SCNN1G: variants seen among roughly 807,000 people sequenced by gnomAD.
SCNN1G encodes sodium channel epithelial 1 subunit gamma.
Under a neutral mutation model 64.6 loss-of-function variants are expected in SCNN1G, and 27 were observed. The ratio of observed to expected loss-of-function variants is 0.42; its 90% CI spans 0.31 to 0.58. The LOEUF is 0.58. SCNN1G is among the 20% of genes least tolerant of loss of function. The pLI is 0.18. For synonymous variants in SCNN1G, 330 were observed against 314.2 expected (o/e 1.05, Z -0.53); for missense variants, 743 against 823.4 (o/e 0.90, Z 1.19).
intron 3 of SCNN1G, 95 bp downstream of exon 3, chr16:23,189,766 A>G (rs960461289): frequency 8.3e-6 from 10 of 1,205,982 alleles, no homozygotes; most frequent in African/African-American, 7.4e-5. Flanking sequence ...CTGTGGTCCA[A>G]CTGGAAGAAA....
intron 6 of SCNN1G, among the ~76,000 whole-genome samples, chr16:23,205,644 G>A (rs897783661): frequency 6.6e-6 from 1 of 151,362 alleles, no homozygotes; most frequent in Non-Finnish European, 1.5e-5. Context: ...AGGTTGCAGT[G>A]AGCTGAGATC....
rs752793278 is a variant in SCNN1G, at chr16:23,212,673, C to T, written c.1295-5C>T. The T allele has an allele frequency of 6.8e-6, 11 of 1,612,864 alleles. No individual in the cohort carries two copies. In the African/African-American group the frequency reaches 1.5e-4, roughly 22 times the overall value. On this transcript the variant is annotated splice_polypyrimidine_tract_variant and splice_region_variant and intron_variant, in intron 8 of 12. Coordinates refer to ENST00000300061, the MANE Select transcript of SCNN1G (RefSeq NM_001039.4). The stretch of plus-strand genomic sequence containing the variant: ...GCTCATGCTGCCCTCTCCCTTGTCC[C>T]TCAGTGTATTGTTACTACCAACTGC...
At chr16:23,187,646 T>A (rs1194389067) in intron 2 of SCNN1G, among the ~76,000 whole-genome samples, 2 of 152,150 alleles carry the variant, frequency 1.3e-5, no homozygotes, top group Non-Finnish European at 2.9e-5. Flanking sequence ...CCCAGGTGAC[T>A]TCTGTAAGCA....
chr16:23,212,933 A>G (rs777495267), intron 10 of SCNN1G, 39 bp downstream of exon 10: 1 of 1,600,254 alleles, frequency 6.2e-7, no homozygotes, highest in Non-Finnish European at 8.6e-7. Flanking sequence ...TGAAGCCCCC[A>G]GCCTGGAGCC....
At chr16:23,189,761 G>T in intron 3 of SCNN1G, 90 bp downstream of exon 3, 1 of 1,273,120 alleles carries the variant, frequency 7.9e-7, no homozygotes, top group South Asian at 1.2e-5. Context: ...AGCCCCTGTG[G>T]TCCAACTGGA....
chr16:23,191,080 G>T (rs374646105), intron 3 of SCNN1G, among the ~76,000 whole-genome samples: 2 of 152,004 alleles, frequency 1.3e-5, no homozygotes, highest in East Asian at 3.9e-4. Context: ...CTCGACCTCA[G>T]GTGGTCCCCC....
intron 6 of SCNN1G, 65 bp downstream of exon 6, chr16:23,197,492 C>T: frequency 7.1e-7 from 1 of 1,406,492 alleles, no homozygotes; most frequent in Admixed American, 1.7e-5. Context: ...CAAGGATAAC[C>T]AATGGGGTGC....
chr16:23,188,410 G>C (rs888266963), intron 2 of SCNN1G, among the ~76,000 whole-genome samples: 1 of 152,160 alleles, frequency 6.6e-6, no homozygotes, highest in African/African-American at 2.4e-5. Context: ...AACTTAGGAG[G>C]CTGAAGTGGG....
chr16:23,198,922 G>A (rs1959841238), intron 6 of SCNN1G, among the ~76,000 whole-genome samples: 1 of 151,704 alleles, frequency 6.6e-6, no homozygotes, highest in Admixed American at 6.6e-5. Flanking sequence ...GGCATGCTGG[G>A]GCACACCTGT....
At chr16:23,208,532 AC>A (rs1960027541) in intron 6 of SCNN1G, among the ~76,000 whole-genome samples, 2 of 151,786 alleles carry the variant, frequency 1.3e-5, no homozygotes, top group Non-Finnish European at 2.9e-5. Context: ...TGGGTCCTTC[AC>A]CTGAGCGAGA....
Position 23,215,933 on chromosome 16 carries a change from GA to G in SCNN1G, c.*467del, listed in dbSNP as rs1490582620. The G allele has an allele frequency of 4.6e-6, 1 of 217,372 alleles. No homozygotes were observed. Among genetic ancestry groups the G allele is most frequent in the Non-Finnish European group, 9.2e-6 (1 of 108,116 alleles). 13.5% of individuals were successfully genotyped at this position (217,372 alleles called of 1,614,324 possible). On this transcript the variant is annotated 3_prime_UTR_variant, in exon 13 of 13. Coordinates refer to ENST00000300061, the MANE Select transcript of SCNN1G (RefSeq NM_001039.4). The stretch of plus-strand genomic sequence containing the variant: ...CTACTGCCAGATGCCAAAGATAGGA[GA>G]AAGTGCCAGCCCTGAAGCTGGAGCC...
In SCNN1G at chr16:23,194,154, A is replaced by C; in HGVS notation, c.810-17A>C. 1 of 1,583,274 alleles carries C rather than the reference A, an allele frequency of 6.3e-7. No individual in the cohort carries two copies. On this transcript the variant is annotated splice_polypyrimidine_tract_variant and intron_variant, in intron 4 of 12. Transcript: ENST00000300061. ...CATGGGGGAGATCCCTTTCTGACCC[A>C]TTTTCTTCCTCCATAGGAATTTCAC...
intron 5 of SCNN1G, among the ~76,000 whole-genome samples, 181 bp downstream of exon 5, chr16:23,194,455 A>G (rs1959763824): frequency 2.0e-5 from 3 of 152,130 alleles, no homozygotes; most frequent in Admixed American, 2.0e-4. Flanking sequence ...CCTTCCTTCC[A>G]AGTTAGTGTT....
chr16:23,212,114 A>G lies in SCNN1G; in HGVS notation c.1257A>G (p.Ala419=), dbSNP rs1960088605. The change falls in exon 8 of 13, where the codon GCA becomes GCG. Residue 419 remains alanine, a synonymous_variant. Coordinates refer to ENST00000300061, the MANE Select transcript of SCNN1G (RefSeq NM_001039.4). ...CAQYSQPLPP[A]ANYCNYQQHP... Reference sequence around the variant, plus strand: ...AGTACAGCCAGCCTCTACCTCCTGCAGCCAACTACTGCAACTACCAGCAGC... The same window carrying G: ...AGTACAGCCAGCCTCTACCTCCTGCGGCCAACTACTGCAACTACCAGCAGC... 6.8e-6 allele frequency: 11 copies of G among 1,613,854 alleles called. No individual in the cohort carries two copies. The highest frequency in any genetic ancestry group is 9.3e-6 in the Non-Finnish European group (11 of 1,179,758).
At position 23,195,625 on chromosome 16, in the gene SCNN1G, G is replaced by A. The variant is rs374513413; in HGVS notation, c.913+1351G>A. On this transcript the variant is annotated intron_variant, in intron 5 of 12. Coordinates refer to ENST00000300061, the MANE Select transcript of SCNN1G (RefSeq NM_001039.4). ...ATGGGGAAGAAGTAATCTGGAAACT[G>A]AAAGTGAAAAGTTGCAGAGTACTGG... is the stretch of plus-strand genomic sequence containing the variant. 3.9e-5 allele frequency among the ~76,000 whole-genome samples: 6 copies of A among 152,314 alleles called. 1 individual carries two copies. In the South Asian group the frequency reaches 1.2e-3, roughly 32 times the overall value.
At chr16:23,188,612 G>A (rs181938830) in intron 2 of SCNN1G, among the ~76,000 whole-genome samples, 14 of 152,206 alleles carry the variant, frequency 9.2e-5, no homozygotes, top group African/African-American at 2.4e-4. Context: ...AGCAAATCCC[G>A]TTTTACAAAG....
At chr16:23,186,094 C>T (rs1959601139) in intron 1 of SCNN1G, 134 bp from the exon 2 acceptor site, 3 of 669,268 alleles carry the variant, frequency 4.5e-6, no homozygotes, top group Non-Finnish European at 5.4e-6. Flanking sequence ...TGCAAAGTGC[C>T]TAAGCCACAG....
At position 23,189,448 on chromosome 16, in the gene SCNN1G, CAG is replaced by C; in HGVS notation, c.398_399del (p.Glu133ValfsTer20). 6.2e-7 allele frequency: 1 copy of C among 1,614,174 alleles called. No homozygotes were observed. Among genetic ancestry groups the C allele is most frequent in the Non-Finnish European group, 8.5e-7 (1 of 1,180,026 alleles). ...GCCCTGAAGTCCCTGTATGGCTTTC[CAG>C]AGTCCCGGAAGCGCCGAGAGGCGGA... On this transcript the variant is annotated frameshift_variant, in exon 3 of 13. Transcript: ENST00000300061. LOFTEE classifies it high-confidence loss of function.
rs1214622730 is a variant in SCNN1G at position 23,197,751 on chromosome 16, G to A, written c.1077+324G>A. Among the ~76,000 whole-genome samples the A allele has an allele frequency of 2.0e-5, 3 of 152,050 alleles. No individual in the cohort carries two copies. In the East Asian group the frequency reaches 5.8e-4, roughly 29 times the overall value. ...AAAAATTAGTTGGGTATGGTAGTGT[G>A]TGCCTGTAATACCAGTTACTAGGGA... On this transcript the variant is annotated intron_variant, in intron 6 of 12. Transcript: ENST00000300061.
Sources: gnomAD v4.1 joint callset for allele counts (sites outside exome capture counted in the v4.1 genomes callset) on GRCh38, gnomAD v4.1.1 for gene constraint, MANE v1.5 for transcripts, NCBI Gene and HGNC (gene_info 2026-07-23, HGNC 2026-07-21) for gene names.